Variants in MYOF observed in about 807,000 individuals in gnomAD.
MYOF encodes fer-1-like 3, myoferlin.
A neutral mutation model predicts 284.2 loss-of-function variants in MYOF; 244 were observed. The observed-to-expected ratio is 0.86, with a 90% CI of 0.77 to 0.95. The LOEUF (loss-of-function observed/expected upper bound fraction) is 0.95. MYOF is among the 40% of genes least tolerant of loss of function. The pLI is 0.00. For synonymous variants in MYOF, 904 were observed against 919.7 expected, an observed-to-expected ratio of 0.98 and a Z score of 0.31; for missense variants, 2,496 against 2,560.6, an observed-to-expected ratio of 0.97 and a Z score of 0.54.
chr10:93,477,486 CTG>C (rs10577087), intron 1 of MYOF, among the ~76,000 whole-genome samples: 117,480 of 151,582 alleles, frequency 0.78, 45,995 homozygotes, highest in South Asian at 0.84. Context: ...GAGCGAAACT[CTG>C]TGTAAAAAAA....
chr10:93,343,491 T>C (rs1467957925), intron 38 of MYOF, among the ~76,000 whole-genome samples: 3 of 152,258 alleles, frequency 2.0e-5, no homozygotes, highest in Non-Finnish European at 2.9e-5. Flanking sequence ...ATGATCTTTC[T>C]CAGACTGTCC....
At chr10:93,359,697 C>T (rs1471881541) in intron 29 of MYOF, 136 bp downstream of exon 29, 32 of 1,147,682 alleles carry the variant, frequency 2.8e-5, no homozygotes, top group Non-Finnish European at 3.4e-5. Flanking sequence ...GGGGTGGGCT[C>T]ACTTTGAGAA....
At chr10:93,406,288 T>TTATATA (rs3980375) in intron 7 of MYOF, among the ~76,000 whole-genome samples, 7,073 of 57,928 alleles carry the variant, frequency 0.12, 961 homozygotes, top group African/African-American at 0.14. Context: ...TAAACCTCTT[T>TTATATA]TATATATATA....
At chr10:93,395,798 G>A in intron 16 of MYOF, among the ~76,000 whole-genome samples, 1 of 151,720 alleles carries the variant, frequency 6.6e-6, no homozygotes, top group East Asian at 1.9e-4. Flanking sequence ...TAAGGTGCTA[G>A]CTCTCTGTAT....
rs748249399 is a variant in MYOF at position 93,323,074 on chromosome 10, T to A, written c.5456+4A>T. On this transcript the variant is annotated splice_donor_region_variant and intron_variant, in intron 48 of 53. Transcript: ENST00000359263. ...TGGCAAAGTCTCTCACATGCTAACC[T>A]TACCCTTTGACGTAGATGTCACTCA... The A allele has an allele frequency of 5.0e-6, 8 of 1,612,574 alleles. No homozygotes were observed. Among genetic ancestry groups the A allele is most frequent in the Non-Finnish European group, 6.8e-6 (8 of 1,178,618 alleles).
At chr10:93,381,138 A>G (rs1305826325) in intron 20 of MYOF, 81 bp downstream of exon 20, 1 of 1,425,432 alleles carries the variant, frequency 7.0e-7, no homozygotes, top group Non-Finnish European at 9.8e-7. Flanking sequence ...ACAGTGCCAG[A>G]GGGAAGACAC....
chr10:93,385,995 T>G (rs1846346979), intron 19 of MYOF, among the ~76,000 whole-genome samples: 1 of 152,208 alleles, frequency 6.6e-6, no homozygotes, highest in Non-Finnish European at 1.5e-5. Context: ...TTTCTCCTTC[T>G]CCCTGCAACT....
rs1842917110 is a variant in MYOF at position 93,323,333 on chromosome 10, A to ACATCCACCCACATCT, written c.5282_5296dup (p.Asp1765_Val1766insGluMetTrpValAsp). Reference sequence around the variant, plus strand: ...TGGTGGCCCCAAACTCTTGGGGAAAACATCCACCCACATCTGAAGTTTTCC... The same window carrying ACATCCACCCACATCT: ...TGGTGGCCCCAAACTCTTGGGGAAAACATCCACCCACATCTCATCCACCCACATCTGAAGTTTTCC... On this transcript the variant is annotated inframe_insertion, in exon 47 of 54. Coordinates refer to ENST00000359263, the MANE Select transcript of MYOF (RefSeq NM_013451.4). 6.2e-7 allele frequency: 1 copy of ACATCCACCCACATCT among 1,613,036 alleles called. No homozygotes were observed. The highest frequency in any genetic ancestry group is 1.3e-5 in the African/African-American group (1 of 74,920).
chr10:93,349,855 G>A lies in MYOF; in HGVS notation c.4036C>T (p.Leu1346Phe), dbSNP rs954382194. The A allele has an allele frequency of 6.2e-6, 10 of 1,613,848 alleles. No homozygotes were observed. The highest frequency in any genetic ancestry group is 2.2e-5 in the East Asian group (1 of 44,868). ...CTTGGAAAGTTGGGTGTCTTCTTAA[G>A]GTTTTTGATCACCACCGATTCCACC... ...ERVESVVIKNLKKTPNFPSSV... is the reference protein window; with the variant it reads ...ERVESVVIKNFKKTPNFPSSV... Residue 1346 changes from leucine to phenylalanine, a missense_variant, in exon 36 of 54, where the codon CTT becomes TTT. Coordinates refer to ENST00000359263, the MANE Select transcript of MYOF (RefSeq NM_013451.4).
chr10:93,470,594 G>A (rs1312982038), intron 1 of MYOF, among the ~76,000 whole-genome samples: 4 of 151,986 alleles, frequency 2.6e-5, no homozygotes, highest in Non-Finnish European at 5.9e-5. Flanking sequence ...CAGAGACAGG[G>A]TTTCATCATG....
At chr10:93,434,752 G>A (rs1422659688) in intron 3 of MYOF, among the ~76,000 whole-genome samples, 2 of 152,100 alleles carry the variant, frequency 1.3e-5, no homozygotes. Flanking sequence ...AAGATTGGAT[G>A]GGAATTTTAC....
At chr10:93,404,763 T>C (rs1847476426) in intron 7 of MYOF, among the ~76,000 whole-genome samples, 1 of 152,212 alleles carries the variant, frequency 6.6e-6, no homozygotes, top group African/African-American at 2.4e-5. Flanking sequence ...CTAATATCTT[T>C]AGCTCTATTA....
chr10:93,400,899 C>A (rs1159569234), intron 12 of MYOF, among the ~76,000 whole-genome samples: 2 of 140,914 alleles, frequency 1.4e-5, no homozygotes, highest in Non-Finnish European at 3.0e-5. Context: ...CACTCTGTTG[C>A]CCAGGCTGGA....
chr10:93,423,024 G>C (rs1008707040), intron 5 of MYOF, among the ~76,000 whole-genome samples: 2 of 151,992 alleles, frequency 1.3e-5, no homozygotes, highest in Admixed American at 6.6e-5. Flanking sequence ...CCAGTGTACT[G>C]GGTTGAATAC....
At chr10:93,399,035 G>T (rs912337056) in intron 13 of MYOF, among the ~76,000 whole-genome samples, 2 of 152,052 alleles carry the variant, frequency 1.3e-5, no homozygotes, top group Non-Finnish European at 2.9e-5. Flanking sequence ...GCACTGGGGG[G>T]GGGTCTCTGT....
intron 51 of MYOF, among the ~76,000 whole-genome samples, chr10:93,311,121 CAATA>C (rs1236251729): frequency 6.6e-6 from 1 of 152,178 alleles, no homozygotes; most frequent in African/African-American, 2.4e-5. Context: ...TACACTAGCT[CAATA>C]AATGAATGAA....
In MYOF at chr10:93,389,102, G is replaced by A. The variant is rs1479573669; in HGVS notation, c.1509C>T (p.Tyr503=). Residue 503 remains tyrosine, a synonymous_variant, in exon 18 of 54, where the codon TAC becomes TAT. Transcript: ENST00000359263. ...CTCTGGGGCTTCCATAAAGATTCAG[G>A]TAACAAGGTCCAAACGTTGGAACAA... ...VGFVPTFGPC[Y]LNLYGSPREY... 6.2e-7 allele frequency: 1 copy of A among 1,614,028 alleles called. No individual in the cohort carries two copies. The highest frequency in any genetic ancestry group is 8.5e-7 in the Non-Finnish European group (1 of 1,180,010).
chr10:93,386,964 C>G (rs576392315), intron 19 of MYOF, among the ~76,000 whole-genome samples: 2 of 152,238 alleles, frequency 1.3e-5, no homozygotes, highest in South Asian at 4.1e-4. Context: ...AGTCCTGCCA[C>G]AAGGAGACAG....
rs1843518538 is a variant in MYOF, at chr10:93,334,761, G to T, written c.4564-848C>A. Among the ~76,000 whole-genome samples, 3 of 152,156 alleles carry T rather than the reference G, an allele frequency of 2.0e-5. No homozygotes were observed. The South Asian group carries it at 6.2e-4, about 32-fold the overall frequency. On this transcript the variant is annotated intron_variant, in intron 41 of 53. Coordinates refer to ENST00000359263, the MANE Select transcript of MYOF (RefSeq NM_013451.4). The stretch of plus-strand genomic sequence containing the variant: ...AGCATGGAATAAGCACCTACTATGT[G>T]CCAGGTACTAGGGACCCACAAAAGA...
Sources: gnomAD v4.1 joint callset for allele counts (sites outside exome capture counted in the v4.1 genomes callset) on GRCh38, gnomAD v4.1.1 for gene constraint, MANE v1.5 for transcripts, NCBI Gene and HGNC (gene_info 2026-07-23, HGNC 2026-07-21) for gene names.